The following WNK3 variants were observed in gnomAD, a reference collection of about 807,000 sequenced individuals.
The protein encoded by WNK3 is WNK lysine deficient protein kinase 3.
A neutral mutation model predicts 116.7 loss-of-function variants in WNK3; 18 were observed. That is an observed-to-expected ratio of 0.15 (90% CI 0.11 to 0.23). The LOEUF is 0.23. Ranked by LOEUF, WNK3 falls within the 10% of genes least tolerant of loss-of-function variation. The pLI is 1.00. For synonymous variants in WNK3, 404 were observed against 469.4 expected (o/e 0.86, Z 1.80); for missense variants, 993 against 1,323.8 (o/e 0.75, Z 3.88).
At chrX:54,224,860 T>C (rs1407025342) in intron 22 of WNK3, among the ~76,000 whole-genome samples, 3 of 111,022 alleles carry the variant, frequency 2.7e-5, no homozygotes, top group Non-Finnish European at 5.7e-5. Flanking sequence ...TGAGCCACCG[T>C]GCCCTGCCAG....
chrX:54,233,037 C>CA lies in WNK3; in HGVS notation c.4629-18dup, dbSNP rs1557149383. The CA allele has an allele frequency of 1.6e-5, 19 of 1,169,694 alleles. No homozygotes were observed. Among genetic ancestry groups the CA allele is most frequent in the Non-Finnish European group, 1.9e-5 (16 of 861,738 alleles). ...TGAATGTGTCTGAATGAAAATCATGCAAAAAGCATTTTAATGGCACTGGCT... is the reference window on the plus strand; with the variant it reads ...TGAATGTGTCTGAATGAAAATCATGCAAAAAAGCATTTTAATGGCACTGGCT... On this transcript the variant is annotated splice_polypyrimidine_tract_variant and intron_variant, in intron 20 of 23. Transcript: ENST00000354646.
intron 22 of WNK3, among the ~76,000 whole-genome samples, chrX:54,217,622 T>TA (rs1222488729): frequency 8.2e-4 from 84 of 102,551 alleles, no homozygotes; most frequent in African/African-American, 1.9e-3. Context: ...CTTGGTCTCT[T>TA]AAAAAAAAAA....
intron 1 of WNK3, among the ~76,000 whole-genome samples, chrX:54,356,587 G>A (rs953827093): frequency 9.0e-6 from 1 of 111,649 alleles, no homozygotes; most frequent in East Asian, 2.8e-4. Flanking sequence ...CGTCTTAAAA[G>A]ACACCCGCTG....
At chrX:54,211,556 A>C (rs1185806353) in intron 22 of WNK3, among the ~76,000 whole-genome samples, 1 of 111,279 alleles carries the variant, frequency 9.0e-6, no homozygotes, top group Admixed American at 9.7e-5. Flanking sequence ...CTGTAATCCC[A>C]GCACTTTGGG....
intron 22 of WNK3, among the ~76,000 whole-genome samples, chrX:54,217,172 G>T (rs181416118): frequency 1.8e-5 from 2 of 109,926 alleles, no homozygotes; most frequent in East Asian, 2.9e-4. Flanking sequence ...CAAAAAATTA[G>T]CTGGGTGTGG....
intron 12 of WNK3, 24 bp from the exon 13 acceptor site, chrX:54,254,099 T>C: frequency 9.4e-7 from 1 of 1,063,912 alleles, no homozygotes; most frequent in Non-Finnish European, 1.3e-6. Context: ...TTTTACCGGT[T>C]TAAGAGTCAA....
rs201112649 is a variant in WNK3, at chrX:54,294,548, G to A, written c.1693+5C>T. On this transcript the variant is annotated splice_donor_5th_base_variant and intron_variant, in intron 8 of 23. Transcript: ENST00000354646. Reference sequence around the variant, plus strand: ...GTTTGCTTTTACAAGCTGTAACTGTGTTACCTGTAACAGAGGAGCAGTGCT... The same window carrying A: ...GTTTGCTTTTACAAGCTGTAACTGTATTACCTGTAACAGAGGAGCAGTGCT... 7.8e-6 allele frequency: 9 copies of A among 1,149,919 alleles called. No homozygotes were observed. The highest frequency in any genetic ancestry group is 1.0e-5 in the Non-Finnish European group (9 of 861,114). 94.8% of individuals were successfully genotyped at this position (1,149,919 alleles called of 1,213,427 possible). A position where few individuals can be genotyped will look rare whatever the true frequency, so the allele number is the denominator to read the frequency against.
At chrX:54,213,976 GA>G (rs1176303011) in intron 22 of WNK3, among the ~76,000 whole-genome samples, 1 of 109,374 alleles carries the variant, frequency 9.1e-6, no homozygotes, top group Non-Finnish European at 1.9e-5. Context: ...ATTTATTTTT[GA>G]AAAAAAAATT....
At position 54,347,408 on chromosome X, in the gene WNK3, C is replaced by T. The variant is rs1402243381; in HGVS notation, c.-120+10278G>A. On this transcript the variant is annotated intron_variant, in intron 1 of 23. Transcript: ENST00000354646. ...GGCTGAGGCAGGAGAATCACTTGAA[C>T]CCCGGAGGCAGAGGTTACAGTGAGC... Among the ~76,000 whole-genome samples the T allele has an allele frequency of 2.7e-5, 3 of 111,520 alleles. No homozygotes were observed. In the East Asian group the frequency reaches 8.4e-4, roughly 31 times the overall value.
At chrX:54,353,126 A>C (rs1452986725) in intron 1 of WNK3, among the ~76,000 whole-genome samples, 1 of 111,869 alleles carries the variant, frequency 8.9e-6, no homozygotes, top group Non-Finnish European at 1.9e-5. Context: ...CAACATTGTG[A>C]AGTTACCTAA....
chrX:54,253,249 T>C (rs781906856), intron 13 of WNK3, among the ~76,000 whole-genome samples: 5 of 109,922 alleles, frequency 4.5e-5, no homozygotes, highest in Non-Finnish European at 9.5e-5. Flanking sequence ...AAGCCTGTTA[T>C]AAAAAATAAA....
chrX:54,333,894 A>G (rs2069202113), intron 1 of WNK3, 102 bp from the exon 2 acceptor site: 2 of 406,157 alleles, frequency 4.9e-6, no homozygotes, highest in Admixed American at 9.3e-5. Flanking sequence ...CTTAATAAGA[A>G]GTTTATTCTT....
chrX:54,332,910 T>C lies in WNK3; in HGVS notation c.537+227A>G, dbSNP rs782069479. ...AAGAAAAAGAAAAACAAAGCCATGA[T>C]AGATTTTTTTTTCTTCCCCTTTAAA... On this transcript the variant is annotated intron_variant, in intron 2 of 23. Transcript: ENST00000354646. Among the ~76,000 whole-genome samples, 71 of 107,134 alleles carry C rather than the reference T, an allele frequency of 6.6e-4. 1 individual carries two copies. The highest frequency in any genetic ancestry group is 6.3e-3 in the Admixed American group (62 of 9,910). The allele number at this position is 107,134 out of a possible 115,157, so 93.0% of individuals were successfully genotyped here. A position where few individuals can be genotyped will look rare whatever the true frequency, so the allele number is the denominator to read the frequency against.
rs782688413 is a variant in WNK3 at position 54,320,077 on chromosome X, T to TA, written c.538-8787dup. 6.2e-5 allele frequency among the ~76,000 whole-genome samples: 7 copies of TA among 112,094 alleles called. 1 individual carries two copies. The highest frequency in any genetic ancestry group is 1.9e-4 in the African/African-American group (6 of 30,967). On this transcript the variant is annotated intron_variant, in intron 2 of 23. Coordinates refer to ENST00000354646, the Ensembl canonical transcript of WNK3. ...TATAAATGTTCATTTATATAGCTGA[T>TA]AAATAGGAGTCAAATACAAATTTAT...
At chrX:54,244,812 C>A (rs1557152378) in intron 17 of WNK3, among the ~76,000 whole-genome samples, 3 of 111,116 alleles carry the variant, frequency 2.7e-5, no homozygotes, top group Admixed American at 9.7e-5. Context: ...CTCCCTCTTT[C>A]CCCTCCAGCT....
At chrX:54,266,036 T>C (rs1407816161) in intron 10 of WNK3, among the ~76,000 whole-genome samples, 1 of 108,611 alleles carries the variant, frequency 9.2e-6, no homozygotes, top group Non-Finnish European at 1.9e-5. Flanking sequence ...AGCACGACAA[T>C]GGTGAAGGTG....
chrX:54,256,965 C>T (rs1175416175), intron 11 of WNK3, among the ~76,000 whole-genome samples: 8 of 112,092 alleles, frequency 7.1e-5, no homozygotes, highest in Non-Finnish European at 1.5e-4. Context: ...ACTCAACTCT[C>T]CCTGCTCCTC....
At chrX:54,210,865 A>G (rs1391030250) in intron 22 of WNK3, among the ~76,000 whole-genome samples, 1 of 111,906 alleles carries the variant, frequency 8.9e-6, no homozygotes, top group Non-Finnish European at 1.9e-5. Context: ...ATTTGTCCTA[A>G]GGAATACAAC....
chrX:54,357,831 C>T (rs1407905354), exon 1 of WNK3: 2 of 113,214 alleles, frequency 1.8e-5, no homozygotes, highest in African/African-American at 6.4e-5. Context: ...TCGCCTCCTC[C>T]GATGCTTCTT....
Sources: gnomAD v4.1 joint callset for allele counts (sites outside exome capture counted in the v4.1 genomes callset) on GRCh38, gnomAD v4.1.1 for gene constraint, MANE v1.5 for transcripts, NCBI Gene and HGNC (gene_info 2026-07-23, HGNC 2026-07-21) for gene names.